CLN8: variants seen among roughly 807,000 people sequenced by gnomAD.
CLN8 encodes the protein CLN8 transmembrane ER and ERGIC protein.
A neutral mutation model predicts 15.7 loss-of-function variants in CLN8; 14 were observed. That is an observed-to-expected ratio of 0.89 (90% CI 0.59 to 1.39). CLN8 has a LOEUF of 1.39. CLN8 is among the 40% of genes most tolerant of loss of function. The pLI, the probability that CLN8 is intolerant of heterozygous loss-of-function variation, is 0.00. For missense variants in CLN8, 415 were observed against 364.0 expected (o/e 1.14, Z -1.14); for synonymous variants, 188 against 151.0 (o/e 1.25, Z -1.80).
chr8:1,756,674 G>A (rs1369837117), intron 1 of CLN8, among the ~76,000 whole-genome samples: 1 of 148,812 alleles, frequency 6.7e-6, no homozygotes, highest in African/African-American at 2.5e-5. Flanking sequence ...TATGAATTAA[G>A]CATTCCTTTT....
intron 2 of CLN8, among the ~76,000 whole-genome samples, chr8:1,778,834 G>C (rs1296539050): frequency 6.6e-6 from 1 of 152,146 alleles, no homozygotes; most frequent in Non-Finnish European, 1.5e-5. Flanking sequence ...ACTTAGAATA[G>C]ATGCTCTTTG....
intron 1 of CLN8, among the ~76,000 whole-genome samples, chr8:1,756,382 G>T (rs1369226151): frequency 1.3e-5 from 2 of 151,736 alleles, no homozygotes; most frequent in Admixed American, 1.3e-4. Flanking sequence ...TACTCAGGAG[G>T]CTGAGGCAGG....
chr8:1,757,594 C>T lies in CLN8; in HGVS notation c.-124+1512C>T, dbSNP rs113627736. ...TTGCTGGAATTACAGGCATGTGCCA[C>T]GACACCCAGCTAATTTTTGTATTTT... On this transcript the variant is annotated intron_variant, in intron 1 of 1. Transcript: ENST00000524258. Among the ~76,000 whole-genome samples, 1,206 of 152,242 alleles carry T rather than the reference C, an allele frequency of 7.9e-3. 28 individuals are homozygous for T. The highest frequency in any genetic ancestry group is 0.027 in the African/African-American group (1,140 of 41,522).
intron 1 of CLN8, among the ~76,000 whole-genome samples, chr8:1,766,593 A>G (rs1315426322): frequency 1.3e-5 from 2 of 151,548 alleles, no homozygotes; most frequent in Non-Finnish European, 2.9e-5. Context: ...AGGTTTCACC[A>G]TGTTAGCCAG....
chr8:1,769,410 A>G (rs773574779), intron 1 of CLN8, among the ~76,000 whole-genome samples: 2 of 152,192 alleles, frequency 1.3e-5, no homozygotes, highest in African/African-American at 2.4e-5. Context: ...CTGTCTCACA[A>G]TTGAGTCAAT....
rs1486434690 is a variant in CLN8, at chr8:1,770,597, C to T, written c.-123-335C>T. Among the ~76,000 whole-genome samples the T allele has an allele frequency of 5.3e-5, 8 of 152,252 alleles. No homozygotes were observed. The East Asian group carries it at 1.5e-3, about 29-fold the overall frequency. On this transcript the variant is annotated intron_variant, in intron 1 of 2. Transcript: ENST00000331222. ...CCAGTGTAATGACTTAAATATGTTT[C>T]ATCCTGCGATGCCTGAATTGTGTGA...
chr8:1,783,515 T>C lies in CLN8; in HGVS notation c.*2948T>C, dbSNP rs1436721446. 6.6e-6 allele frequency: 1 copy of C among 152,258 alleles called. No homozygotes were observed. Among genetic ancestry groups the C allele is most frequent in the African/African-American group, 2.4e-5 (1 of 41,472 alleles). The allele number at this position is 152,258 out of a possible 1,614,324, so 9.4% of individuals were successfully genotyped here. Reference sequence around the variant, plus strand: ...CTTTCGATAGTGAAATCCTTCTCTATACCTATGTTTTGTTTTGTTTCTTAA... The same window carrying C: ...CTTTCGATAGTGAAATCCTTCTCTACACCTATGTTTTGTTTTGTTTCTTAA... On this transcript the variant is annotated 3_prime_UTR_variant, in exon 3 of 3. Transcript: ENST00000331222.
Position 1,783,421 on chromosome 8 carries a change from G to A in CLN8, c.*2854G>A, listed in dbSNP as rs1801755937. On this transcript the variant is annotated 3_prime_UTR_variant, in exon 3 of 3. Coordinates refer to ENST00000331222, the MANE Select transcript of CLN8 (RefSeq NM_018941.4). ...TGGCAGGTGACCCGGATAGAAAATG[G>A]CCCTGCGTTTAGCCAGGATGTGGCT... is the stretch of plus-strand genomic sequence containing the variant. The A allele has an allele frequency of 6.6e-6, 1 of 152,262 alleles. No homozygotes were observed. The highest frequency in any genetic ancestry group is 1.5e-5 in the Non-Finnish European group (1 of 68,040). 9.4% of individuals were successfully genotyped at this position (152,262 alleles called of 1,614,324 possible).
In CLN8 at chr8:1,771,142, G is replaced by T. The variant is rs137852883; in HGVS notation, c.88G>T (p.Ala30Ser). The T allele has an allele frequency of 1.2e-5, 20 of 1,613,988 alleles. No homozygotes were observed. In the South Asian group the frequency reaches 2.2e-4, roughly 18 times the overall value. Residue 30 changes from alanine to serine, a missense_variant, in exon 2 of 3, where the codon GCT (alanine) becomes TCT (serine). Physicochemically the swap from Ala to Ser is moderately conservative, Grantham distance 99. Transcript: ENST00000331222. ...SWGIRSTLMV[A>S]GFVFYLGVFV... is the part of the protein sequence containing the mutation. ...GGGGATCCGCTCCACGCTGATGGTC[G>T]CTGGCTTTGTCTTCTACTTGGGCGT...
chr8:1,764,750 G>A (rs1800979102), intron 1 of CLN8: 1 of 152,470 alleles, frequency 6.6e-6, no homozygotes, highest in South Asian at 2.1e-4. Flanking sequence ...GCTCTAGGTT[G>A]GGGTTGGGTG....
In CLN8 at chr8:1,771,584, G is replaced by C; in HGVS notation, c.530G>C (p.Trp177Ser). Reference protein sequence around the residue: ...EMSTPFTCVSWMLLKAGWSES... With the variant: ...EMSTPFTCVSSMLLKAGWSES... ...AGCACGCCCTTTACCTGCGTTTCCT[G>C]GATGCTCTTAAAGGTAAGTGCATGC... is the stretch of plus-strand genomic sequence containing the variant. The change falls in exon 2 of 3, where the codon TGG becomes TCG. Residue 177 changes from tryptophan to serine, a missense_variant. Trp to Ser is a radical substitution (Grantham distance 177). Transcript: ENST00000331222. The C allele has an allele frequency of 6.2e-7, 1 of 1,613,770 alleles. No individual in the cohort carries two copies. The highest frequency in any genetic ancestry group is 8.5e-7 in the Non-Finnish European group (1 of 1,179,954).
At chr8:1,775,817 C>A (rs1801489727) in intron 2 of CLN8, among the ~76,000 whole-genome samples, 1 of 152,200 alleles carries the variant, frequency 6.6e-6, no homozygotes. Context: ...ACACTCTTTT[C>A]ACTCCTGTTG....
chr8:1,770,873 G>C (rs914874692), intron 1 of CLN8, 59 bp from the exon 2 acceptor site: 16 of 631,256 alleles, frequency 2.5e-5, no homozygotes, highest in South Asian at 3.6e-5. Flanking sequence ...GCGTTACTGG[G>C]GTAGTGATGT....
chr8:1,780,356 G>C lies in CLN8; in HGVS notation c.650G>C (p.Trp217Ser), dbSNP rs1197447221. ...TACCACATGTGGTGGGTGTGTTTCT[G>C]GCACTGGGACGGCCTGGTCAGCAGC... ...LTYHMWWVCF[W>S]HWDGLVSSLY... Residue 217 changes from tryptophan (W) to serine (S), a missense_variant, in exon 3 of 3, where the codon TGG (tryptophan) becomes TCG (serine). Trp to Ser is a radical substitution (Grantham distance 177, BLOSUM62 -3). Transcript: ENST00000331222. The C allele has an allele frequency of 1.2e-6, 2 of 1,614,260 alleles. No individual in the cohort carries two copies. The highest frequency in any genetic ancestry group is 3.3e-5 in the Admixed American group (2 of 60,032).
upstream of CLN8, among the ~76,000 whole-genome samples, chr8:1,754,885 C>T (rs893945463): frequency 2.0e-5 from 3 of 152,170 alleles, no homozygotes; most frequent in Non-Finnish European, 4.4e-5. Context: ...CTCTGCCTGC[C>T]CAGAAGCAGG....
upstream of CLN8, among the ~76,000 whole-genome samples, chr8:1,753,145 G>A (rs911928295): frequency 1.3e-5 from 2 of 152,200 alleles, no homozygotes; most frequent in African/African-American, 4.8e-5. Context: ...AATTACATAA[G>A]TTGGGAGGTT....
upstream of CLN8, chr8:1,763,050 A>T (rs1249658518): frequency 6.6e-6 from 1 of 152,208 alleles, no homozygotes; most frequent in Non-Finnish European, 1.5e-5. Flanking sequence ...ACTCCTACAG[A>T]CAAAAACTCA....
upstream of CLN8, among the ~76,000 whole-genome samples, chr8:1,755,028 A>T (rs1275426957): frequency 1.3e-5 from 2 of 152,182 alleles, no homozygotes; most frequent in Non-Finnish European, 2.9e-5. Flanking sequence ...CGAGCCAATG[A>T]GATCTGCTGG....
rs1801313466 is a variant in CLN8 at position 1,771,675 on chromosome 8, T to G, written c.543+78T>G. ...GGCTACAATGTCCTGGACGCTGCCA[T>G]AAACTCAACAGCAGGCTGGATTGCA... On this transcript the variant is annotated intron_variant, in intron 2 of 2. Transcript: ENST00000331222. 4 of 1,337,440 alleles carry G rather than the reference T, an allele frequency of 3.0e-6. No homozygotes were observed. The Admixed American group carries it at 5.8e-5, about 19-fold the overall frequency. The allele number at this position is 1,337,440 out of a possible 1,614,324, so 82.8% of individuals were successfully genotyped here.
Sources: gnomAD v4.1 joint callset for allele counts (sites outside exome capture counted in the v4.1 genomes callset) on GRCh38, gnomAD v4.1.1 for gene constraint, MANE v1.5 for transcripts, NCBI Gene and HGNC (gene_info 2026-07-23, HGNC 2026-07-21) for gene names.